CCDC90B: variants seen among roughly 807,000 people sequenced by gnomAD.
The protein encoded by CCDC90B is coiled-coil domain-containing protein 90B, mitochondrial.
CCDC90B carries 24 observed loss-of-function variants against 37.0 expected under a neutral mutation model. That is an observed-to-expected ratio of 0.65 (90% confidence interval 0.47 to 0.91). The LOEUF is 0.91. CCDC90B is among the 40% of genes least tolerant of loss of function. The pLI is 0.00. For missense variants in CCDC90B, 319 were observed against 299.0 expected (o/e 1.07, Z -0.49); for synonymous variants, 113 against 101.1 (o/e 1.12, Z -0.71).
chr11:83,281,928 A>G (rs1282968865), intron 1 of CCDC90B, among the ~76,000 whole-genome samples: 1 of 152,240 alleles, frequency 6.6e-6, no homozygotes, highest in Non-Finnish European at 1.5e-5. Context: ...GTTATGTCCC[A>G]ATAAATCCAT....
In CCDC90B at chr11:83,286,121, T is replaced by C. The variant is rs1343068855; in HGVS notation, c.-149A>G. ...TCACCTCCCAGCGCAGGCGCCACCG[T>C]GGTCCCACGAAACTGGGTCTCTTCA... On this transcript the variant is annotated 5_prime_UTR_variant, in exon 1 of 9. Transcript: ENST00000529689. The C allele has an allele frequency of 3.9e-6, 6 of 1,536,258 alleles. No individual in the cohort carries two copies. In the African/African-American group the frequency reaches 6.8e-5, roughly 18 times the overall value.
At chr11:83,280,033 G>A (rs1160508242) in intron 2 of CCDC90B, 108 bp downstream of exon 2, 1 of 1,044,010 alleles carries the variant, frequency 9.6e-7, no homozygotes, top group African/African-American at 1.6e-5. Context: ...TGTATGGATG[G>A]TACATCTATT....
chr11:83,274,955 ATT>A (rs1357995239), intron 3 of CCDC90B, among the ~76,000 whole-genome samples: 2 of 152,180 alleles, frequency 1.3e-5, no homozygotes, highest in Non-Finnish European at 2.9e-5. Context: ...AGAGAGATAA[ATT>A]TGTAGGCCTT....
intron 7 of CCDC90B, chr11:83,267,182 C>G (rs999835739): frequency 1.3e-5 from 2 of 152,226 alleles, no homozygotes; most frequent in Admixed American, 1.3e-4. Context: ...GCTGAAAATT[C>G]TAAAAATCAT....
At chr11:83,271,885 A>C (rs1265813762) in intron 7 of CCDC90B, among the ~76,000 whole-genome samples, 1 of 152,230 alleles carries the variant, frequency 6.6e-6, no homozygotes, top group African/African-American at 2.4e-5. Context: ...TCAATGACAG[A>C]CTGGATTAAG....
chr11:83,283,564 G>A (rs990746212), intron 1 of CCDC90B, among the ~76,000 whole-genome samples: 1 of 152,172 alleles, frequency 6.6e-6, no homozygotes, highest in South Asian at 2.1e-4. Flanking sequence ...CTCCACTTTG[G>A]AAGCCATAAG....
intron 3 of CCDC90B, among the ~76,000 whole-genome samples, chr11:83,275,553 A>C (rs509144): frequency 0.71 from 107,845 of 151,434 alleles, 39,179 homozygotes; most frequent in African/African-American, 0.84. Context: ...ATCTGAAACA[A>C]TTCTGGTCCC....
intron 3 of CCDC90B, among the ~76,000 whole-genome samples, chr11:83,277,380 T>C (rs1010860119): frequency 6.6e-6 from 1 of 152,212 alleles, no homozygotes; most frequent in African/African-American, 2.4e-5. Flanking sequence ...TAAAAATGCA[T>C]GTACAAACTT....
chr11:83,262,523 T>C (rs633484), intron 8 of CCDC90B, among the ~76,000 whole-genome samples: 2 of 152,198 alleles, frequency 1.3e-5, no homozygotes, highest in African/African-American at 4.8e-5. Flanking sequence ...TACATCATTT[T>C]GGATAAAAAA....
chr11:83,269,781 G>A (rs964027743), intron 7 of CCDC90B, among the ~76,000 whole-genome samples: 4 of 152,180 alleles, frequency 2.6e-5, no homozygotes, highest in African/African-American at 9.7e-5. Context: ...AACAGAAAAA[G>A]AGGGAATCTT....
intron 1 of CCDC90B, among the ~76,000 whole-genome samples, chr11:83,283,797 A>G (rs1865529023): frequency 6.6e-6 from 1 of 152,116 alleles, no homozygotes; most frequent in African/African-American, 2.4e-5. Flanking sequence ...TTCTGTCCCT[A>G]CACAAATTAC....
chr11:83,268,944 C>T lies in CCDC90B; in HGVS notation c.595-2965G>A, dbSNP rs538089802. ...AGACCACAGTGCAATCAAATTAGAACTCAAGATTAAGAAACTCACTCAAAA... is the reference window on the plus strand; with the variant it reads ...AGACCACAGTGCAATCAAATTAGAATTCAAGATTAAGAAACTCACTCAAAA... On this transcript the variant is annotated intron_variant, in intron 7 of 8. Transcript: ENST00000529689. 8.5e-5 allele frequency among the ~76,000 whole-genome samples: 13 copies of T among 152,290 alleles called. No individual in the cohort carries two copies. The South Asian group carries it at 2.7e-3, about 32-fold the overall frequency.
Position 83,261,820 on chromosome 11 carries a change from A to G in CCDC90B, c.*91T>C. The G allele has an allele frequency of 1.1e-6, 1 of 874,410 alleles. No individual in the cohort carries two copies. 54.2% of individuals were successfully genotyped at this position (874,410 alleles called of 1,614,324 possible). On this transcript the variant is annotated 3_prime_UTR_variant, in exon 9 of 9. Coordinates refer to ENST00000529689, the MANE Select transcript of CCDC90B (RefSeq NM_021825.5). ...ACACTTCGAATAATCTTGTGTAGTA[A>G]ATTTTTGCTGCAACTGACAATGTTC... is the stretch of plus-strand genomic sequence containing the variant.
intron 1 of CCDC90B, chr11:83,285,578 CTAGCCTCTTG>C: frequency 3.9e-6 from 5 of 1,267,906 alleles, no homozygotes; most frequent in Non-Finnish European, 5.0e-6. Flanking sequence ...GACGAGATTA[CTAGCCTCTTG>C]TCACCAAAAA....
intron 1 of CCDC90B, among the ~76,000 whole-genome samples, chr11:83,280,938 C>G (rs1245718526): frequency 6.6e-6 from 1 of 152,172 alleles, no homozygotes; most frequent in Admixed American, 6.5e-5. Flanking sequence ...AACATAAGAA[C>G]CCTAAGAAAA....
intron 7 of CCDC90B, among the ~76,000 whole-genome samples, chr11:83,268,752 G>A (rs1054561675): frequency 6.6e-6 from 1 of 152,136 alleles, no homozygotes; most frequent in Non-Finnish European, 1.5e-5. Flanking sequence ...TCTGCAACAA[G>A]CAGACTTAAT....
Position 83,274,000 on chromosome 11 carries a change from C to A in CCDC90B, c.427-8G>T, listed in dbSNP as rs773770024. On this transcript the variant is annotated splice_region_variant and splice_polypyrimidine_tract_variant and intron_variant, in intron 4 of 8. Coordinates refer to ENST00000529689, the MANE Select transcript of CCDC90B (RefSeq NM_021825.5). ...TAATTCAATTTTCATTTTCTAGGTA[C>A]AGGAAAGATCACATGCAATTAGCAT... The A allele has an allele frequency of 1.3e-6, 2 of 1,539,500 alleles. No homozygotes were observed. Among genetic ancestry groups the A allele is most frequent in the East Asian group, 4.6e-5 (2 of 43,936 alleles).
intron 7 of CCDC90B, among the ~76,000 whole-genome samples, chr11:83,270,495 A>G (rs1864587718): frequency 6.6e-6 from 1 of 152,232 alleles, no homozygotes; most frequent in Non-Finnish European, 1.5e-5. Context: ...AAGCATTCCT[A>G]TACACCATTA....
Position 83,286,129 on chromosome 11 carries a change from C to T in CCDC90B, c.-157G>A. On this transcript the variant is annotated 5_prime_UTR_variant, in exon 1 of 9. In the 5' UTR this introduces an upstream ATG that the reference lacks. Coordinates refer to ENST00000529689, the MANE Select transcript of CCDC90B (RefSeq NM_021825.5). ...CAGCGCAGGCGCCACCGTGGTCCCACGAAACTGGGTCTCTTCACAGACAGA... is the reference window on the plus strand; with the variant it reads ...CAGCGCAGGCGCCACCGTGGTCCCATGAAACTGGGTCTCTTCACAGACAGA... 1 of 1,536,324 alleles carries T rather than the reference C, an allele frequency of 6.5e-7. No homozygotes were observed. Among genetic ancestry groups the T allele is most frequent in the Non-Finnish European group, 8.7e-7 (1 of 1,146,926 alleles).
Sources: gnomAD v4.1 joint callset for allele counts (sites outside exome capture counted in the v4.1 genomes callset) on GRCh38, gnomAD v4.1.1 for gene constraint, MANE v1.5 for transcripts, NCBI Gene and HGNC (gene_info 2026-07-23, HGNC 2026-07-21) for gene names.